ZNF385D: variants seen among roughly 807,000 people sequenced by gnomAD.
The protein encoded by ZNF385D is zinc finger protein 385D.
In ZNF385D, 15 loss-of-function variants were observed where a neutral mutation model predicts 35.8. The ratio of observed to expected loss-of-function variants is 0.42; its 90% CI spans 0.28 to 0.64. ZNF385D has a LOEUF of 0.64. Among genes scored for constraint, ZNF385D ranks in the 30% least tolerant of loss-of-function variants. The probability of loss-of-function intolerance (pLI) is 0.23; values close to 1 mark genes in which losing one functional copy is unlikely to be tolerated. For synonymous variants in ZNF385D, 212 were observed against 186.8 expected (o/e 1.13, Z -1.10); for missense variants, 474 against 494.6 (o/e 0.96, Z 0.39).
intron 2 of ZNF385D, among the ~76,000 whole-genome samples, chr3:22,338,692 C>T (rs1038429313): frequency 6.9e-5 from 10 of 144,746 alleles, no homozygotes; most frequent in African/African-American, 2.7e-4. Context: ...AAAACATATT[C>T]ATCTCATTTT....
At chr3:21,658,531 T>G (rs1376912110) in intron 2 of ZNF385D, among the ~76,000 whole-genome samples, 1 of 152,014 alleles carries the variant, frequency 6.6e-6, no homozygotes, top group African/African-American at 2.4e-5. Flanking sequence ...TTCTATCAAT[T>G]ATCTGTTATG....
chr3:22,175,915 T>C (rs1409647218), intron 2 of ZNF385D, among the ~76,000 whole-genome samples: 2 of 148,018 alleles, frequency 1.4e-5, no homozygotes, highest in African/African-American at 5.0e-5. Flanking sequence ...AAATATATAT[T>C]ATATATAATA....
At position 22,026,549 on chromosome 3, in the gene ZNF385D, C is replaced by A. The variant is rs78509222; in HGVS notation, c.325+142268G>T. The stretch of plus-strand genomic sequence containing the variant: ...TCAGACAATTAATGGAGTTTTAGCT[C>A]AGGTCCTACTTACAGCAGATCCAGT... On this transcript the variant is annotated intron_variant, in intron 3 of 5. Coordinates refer to the ZNF385D transcript ENST00000494108. Among the ~76,000 whole-genome samples the A allele has an allele frequency of 3.8e-4, 58 of 152,284 alleles. No individual in the cohort carries two copies. In the East Asian group the frequency reaches 0.01, roughly 27 times the overall value.
chr3:21,895,449 C>G (rs1241333579), intron 3 of ZNF385D, among the ~76,000 whole-genome samples: 1 of 150,464 alleles, frequency 6.6e-6, no homozygotes, highest in East Asian at 2.0e-4. Context: ...GCCTCAGCCT[C>G]CTGAGAAGCT....
intron 3 of ZNF385D, among the ~76,000 whole-genome samples, chr3:21,955,240 C>T (rs991544582): frequency 4.6e-5 from 7 of 152,124 alleles, no homozygotes; most frequent in African/African-American, 1.7e-4. Flanking sequence ...TTCTTGCTGG[C>T]TCTGTTCTTA....
At chr3:21,812,011 T>A (rs551872344) in intron 3 of ZNF385D, among the ~76,000 whole-genome samples, 78 of 152,282 alleles carry the variant, frequency 5.1e-4, no homozygotes, top group African/African-American at 1.8e-3. Context: ...GCCAAAAAAA[T>A]CAAATTTGAA....
chr3:21,775,110 C>T (rs2071234393), intron 3 of ZNF385D, among the ~76,000 whole-genome samples: 1 of 151,772 alleles, frequency 6.6e-6, no homozygotes, highest in Non-Finnish European at 1.5e-5. Flanking sequence ...AGCTCCATCA[C>T]ATAAGGAGTG....
At chr3:21,949,233 C>T (rs1374822882) in intron 3 of ZNF385D, among the ~76,000 whole-genome samples, 9 of 152,242 alleles carry the variant, frequency 5.9e-5, no homozygotes, top group Admixed American at 2.6e-4. Context: ...AATATCTTCC[C>T]TGATTTTTCA....
At chr3:21,910,291 A>T (rs768707434) in intron 3 of ZNF385D, among the ~76,000 whole-genome samples, 3 of 151,980 alleles carry the variant, frequency 2.0e-5, no homozygotes, top group Non-Finnish European at 2.9e-5. Flanking sequence ...TATAGGTTGC[A>T]TATGTTTTAC....
chr3:22,152,126 T>C (rs931664145), intron 3 of ZNF385D, among the ~76,000 whole-genome samples: 3 of 152,278 alleles, frequency 2.0e-5, no homozygotes, highest in East Asian at 3.9e-4. Context: ...GTTCCTGCAT[T>C]AGTATGCTAT....
intron 3 of ZNF385D, among the ~76,000 whole-genome samples, chr3:21,904,203 C>A (rs2125902308): frequency 6.7e-6 from 1 of 148,862 alleles, no homozygotes; most frequent in South Asian, 2.2e-4. Flanking sequence ...ACTCTGGAGG[C>A]TGAGGCAGGA....
chr3:22,093,646 CCT>C (rs1471673110), intron 3 of ZNF385D, among the ~76,000 whole-genome samples: 11 of 152,172 alleles, frequency 7.2e-5, no homozygotes, highest in South Asian at 4.1e-4. Flanking sequence ...TGATCACTCA[CCT>C]CTGTCTTCCC....
intron 2 of ZNF385D, among the ~76,000 whole-genome samples, chr3:22,262,739 AC>A (rs1160772494): frequency 1.3e-5 from 2 of 151,654 alleles, no homozygotes; most frequent in East Asian, 2.0e-4. Context: ...ACCTGTACAA[AC>A]TTTTTGGGTT....
At chr3:21,772,748 T>G (rs139418498) in intron 3 of ZNF385D, among the ~76,000 whole-genome samples, 1 of 151,926 alleles carries the variant, frequency 6.6e-6, no homozygotes, top group Non-Finnish European at 1.5e-5. Context: ...AAAGAGATAT[T>G]TGAACACCTA....
chr3:21,891,180 C>T (rs1177989290), intron 3 of ZNF385D, among the ~76,000 whole-genome samples: 4 of 152,054 alleles, frequency 2.6e-5, no homozygotes, highest in Admixed American at 6.6e-5. Context: ...TTGCTTGACA[C>T]GCAGAAGGTA....
At chr3:21,809,163 TAAG>T (rs2072790878) in intron 3 of ZNF385D, among the ~76,000 whole-genome samples, 1 of 152,038 alleles carries the variant, frequency 6.6e-6, no homozygotes, top group South Asian at 2.1e-4. Flanking sequence ...TGAAATTAGC[TAAG>T]AAGGATTTTA....
intron 2 of ZNF385D, among the ~76,000 whole-genome samples, chr3:21,591,213 G>T (rs770799719): frequency 1.3e-5 from 2 of 151,838 alleles, no homozygotes; most frequent in Admixed American, 1.3e-4. Flanking sequence ...GTTTCATGAG[G>T]TTCCTCATAC....
intron 3 of ZNF385D, among the ~76,000 whole-genome samples, chr3:21,982,467 TG>T (rs1222259274): frequency 6.6e-6 from 1 of 152,068 alleles, no homozygotes; most frequent in Non-Finnish European, 1.5e-5. Context: ...TGTTTATCAG[TG>T]GGAGGAGCTT....
intron 3 of ZNF385D, among the ~76,000 whole-genome samples, chr3:21,963,090 C>T (rs999681086): frequency 6.6e-6 from 1 of 152,198 alleles, no homozygotes; most frequent in Non-Finnish European, 1.5e-5. Context: ...CCCAACCTGG[C>T]CTTAATGACC....
Sources: gnomAD v4.1 joint callset for allele counts (sites outside exome capture counted in the v4.1 genomes callset) on GRCh38, gnomAD v4.1.1 for gene constraint, MANE v1.5 for transcripts, NCBI Gene and HGNC (gene_info 2026-07-23, HGNC 2026-07-21) for gene names.